RPIA: variants seen among roughly 807,000 people sequenced by gnomAD.
RPIA encodes the protein ribose 5-phosphate isomerase A.
In RPIA, 29 loss-of-function variants were observed where a neutral mutation model predicts 37.8. The ratio of observed to expected loss-of-function variants is 0.77; its 90% CI spans 0.57 to 1.05. The LOEUF is 1.05. RPIA is among the 50% of genes least tolerant of loss of function. RPIA has a pLI of 0.00. For synonymous variants in RPIA, 167 were observed against 157.0 expected (o/e 1.06, Z -0.48); for missense variants, 385 against 413.6 (o/e 0.93, Z 0.60).
intron 8 of RPIA, among the ~76,000 whole-genome samples, chr2:88,744,872 G>A (rs1347326158): frequency 6.6e-6 from 1 of 152,110 alleles, no homozygotes; most frequent in South Asian, 2.1e-4. Flanking sequence ...TTTACAGTAA[G>A]TTTATGTGAA....
intron 3 of RPIA, among the ~76,000 whole-genome samples, chr2:88,715,682 G>A (rs1014017346): frequency 2.0e-5 from 3 of 152,178 alleles, no homozygotes; most frequent in Admixed American, 2.0e-4. Flanking sequence ...CTTTTGGGAC[G>A]TTCTGTGGTA....
At chr2:88,694,923 GC>G (rs1438227068) in intron 1 of RPIA, among the ~76,000 whole-genome samples, 1 of 147,846 alleles carries the variant, frequency 6.8e-6, no homozygotes, top group African/African-American at 2.5e-5. Flanking sequence ...ACATTTCTAG[GC>G]CCTTGCAATT....
chr2:88,741,273 A>G (rs1035210261), intron 8 of RPIA, among the ~76,000 whole-genome samples: 22 of 152,086 alleles, frequency 1.4e-4, no homozygotes, highest in Admixed American at 1.4e-3. Context: ...TTGCGTCCTC[A>G]TAGCTTAGCT....
intron 1 of RPIA, among the ~76,000 whole-genome samples, chr2:88,698,020 A>G (rs1672778858): frequency 6.6e-6 from 1 of 150,620 alleles, no homozygotes; most frequent in South Asian, 2.1e-4. Context: ...GTGTTTTTCT[A>G]ATTGCCTCCC....
At chr2:88,701,016 A>T (rs1432983122) in intron 3 of RPIA, among the ~76,000 whole-genome samples, 2 of 152,144 alleles carry the variant, frequency 1.3e-5, no homozygotes, top group Admixed American at 6.5e-5. Flanking sequence ...GAGACACAGG[A>T]TGCTGGCAGC....
intron 8 of RPIA, among the ~76,000 whole-genome samples, chr2:88,739,183 A>AC: frequency 6.6e-6 from 1 of 152,228 alleles, no homozygotes; most frequent in South Asian, 2.1e-4. Flanking sequence ...GCTTCTTAGG[A>AC]TATTGCGAGA....
At chr2:88,710,104 T>G (rs566491359) in intron 3 of RPIA, among the ~76,000 whole-genome samples, 69 of 152,282 alleles carry the variant, frequency 4.5e-4, no homozygotes, top group South Asian at 1.9e-3. Context: ...TGGAGTACAG[T>G]GGCATGATCA....
chr2:88,708,754 A>ATTTTTTTTTTTTTT (rs59981047), intron 3 of RPIA, among the ~76,000 whole-genome samples: 1 of 128,154 alleles, frequency 7.8e-6, no homozygotes, highest in Non-Finnish European at 1.7e-5. Context: ...TGCCAAATGG[A>ATTTTTTTTTTTTTT]TTTTTTTTTT....
At chr2:88,734,946 G>T (rs1673297499) in intron 5 of RPIA, among the ~76,000 whole-genome samples, 1 of 152,218 alleles carries the variant, frequency 6.6e-6, no homozygotes. Flanking sequence ...GGGCACCAGT[G>T]TGTGACTTTT....
At chr2:88,738,615 A>G (rs932129130) in intron 8 of RPIA, among the ~76,000 whole-genome samples, 1 of 152,170 alleles carries the variant, frequency 6.6e-6, no homozygotes, top group African/African-American at 2.4e-5. Context: ...CATGCCTACA[A>G]ATAAGATAGA....
At position 88,746,582 on chromosome 2, in the gene RPIA, T is replaced by G. The variant is rs189104126; in HGVS notation, c.839-3399T>G. ...TGGGCTCCAGGCTGGTATTGGGGAA[T>G]GTCTGCAGAAAGTCCTGTGATGTGA... On this transcript the variant is annotated intron_variant, in intron 8 of 8. Coordinates refer to ENST00000283646, the MANE Select transcript of RPIA (RefSeq NM_144563.3). Among the ~76,000 whole-genome samples, 42 of 152,330 alleles carry G rather than the reference T, an allele frequency of 2.8e-4. 1 individual carries two copies. The East Asian group carries it at 7.7e-3, about 28-fold the overall frequency.
At chr2:88,693,083 C>T (rs1445595650) in intron 1 of RPIA, among the ~76,000 whole-genome samples, 3 of 152,202 alleles carry the variant, frequency 2.0e-5, no homozygotes, top group African/African-American at 7.2e-5. Flanking sequence ...TTGACCCTAC[C>T]TTTGGGATTC....
Position 88,691,691 on chromosome 2 carries a change from G to T in RPIA, c.-8G>T, listed in dbSNP as rs540040953. 7 of 1,568,174 alleles carry T rather than the reference G, an allele frequency of 4.5e-6. No homozygotes were observed. In the South Asian group the frequency reaches 5.8e-5, roughly 13 times the overall value. On this transcript the variant is annotated 5_prime_UTR_variant, in exon 1 of 9. Coordinates refer to ENST00000283646, the MANE Select transcript of RPIA (RefSeq NM_144563.3). ...GGACTTCAGCGGAGGCCGGAGCGAG[G>T]CGTCGGGATGCAGCGCCCCGGGCCC...
At chr2:88,712,040 G>A (rs941043962) in intron 3 of RPIA, among the ~76,000 whole-genome samples, 3 of 152,166 alleles carry the variant, frequency 2.0e-5, no homozygotes, top group Non-Finnish European at 4.4e-5. Context: ...ATTCCAAAGG[G>A]AAGATGGTAT....
chr2:88,742,122 T>C (rs559641217), intron 8 of RPIA, among the ~76,000 whole-genome samples: 1 of 152,330 alleles, frequency 6.6e-6, no homozygotes, highest in Non-Finnish European at 1.5e-5. Context: ...TCATGAAATC[T>C]TTGCCTAAGC....
At chr2:88,701,397 T>C (rs1281083916) in intron 3 of RPIA, among the ~76,000 whole-genome samples, 2 of 152,136 alleles carry the variant, frequency 1.3e-5, no homozygotes, top group Non-Finnish European at 2.9e-5. Context: ...ATTTCTTAGT[T>C]AATAAATTAC....
rs1208261923 is a variant in RPIA at position 88,710,540 on chromosome 2, A to G, written c.402+10476A>G. On this transcript the variant is annotated intron_variant, in intron 3 of 8. Transcript: ENST00000283646. The stretch of plus-strand genomic sequence containing the variant: ...TAAAAACCATTGTAGTAACTATCCC[A>G]TTCTTTGTGTTTAATTTTTAAGCCA... Among the ~76,000 whole-genome samples, 4 of 152,248 alleles carry G rather than the reference A, an allele frequency of 2.6e-5. No homozygotes were observed. The East Asian group carries it at 7.7e-4, about 29-fold the overall frequency.
chr2:88,709,045 C>T (rs538025410), intron 3 of RPIA, among the ~76,000 whole-genome samples: 6 of 152,300 alleles, frequency 3.9e-5, no homozygotes, highest in South Asian at 4.1e-4. Flanking sequence ...CGTGAGCCAC[C>T]GCGCCCGGCC....
chr2:88,706,459 A>G (rs1672899038), intron 3 of RPIA, among the ~76,000 whole-genome samples: 1 of 152,004 alleles, frequency 6.6e-6, no homozygotes. Context: ...AGGAACGGAA[A>G]ACCAAACATT....
Sources: allele counts gnomAD v4.1 joint callset (sites outside exome capture counted in the v4.1 genomes callset), GRCh38; gene constraint gnomAD v4.1.1; transcripts MANE v1.5; gene names NCBI Gene and HGNC (gene_info 2026-07-23, HGNC 2026-07-21).